Variants in KCNAB3 observed in about 807,000 individuals in gnomAD.
The protein encoded by KCNAB3 is voltage-gated potassium channel subunit beta-3.
In KCNAB3, 62 loss-of-function variants were observed where a neutral mutation model predicts 67.7. That is an observed-to-expected ratio of 0.92 (90% CI 0.75 to 1.13). The LOEUF is 1.13. Ranked by LOEUF, KCNAB3 falls within the 50% of genes most tolerant of loss-of-function variation. The pLI is 0.00. For synonymous variants in KCNAB3, 212 were observed against 205.4 expected (o/e 1.03, Z -0.27); for missense variants, 514 against 522.9 (o/e 0.98, Z 0.17).
chr17:7,924,920 A>AT (rs1234541053), intron 8 of KCNAB3, 177 bp downstream of exon 8: 4 of 606,450 alleles, frequency 6.6e-6, no homozygotes, highest in Non-Finnish European at 1.1e-5. Flanking sequence ...ATTTTAAAAC[A>AT]TTTTTTGTAG....
chr17:7,929,824 G>A lies in KCNAB3; in HGVS notation c.-389C>T, dbSNP rs1972366893. The A allele has an allele frequency of 2.2e-5, 22 of 1,015,154 alleles. No homozygotes were observed. In the Admixed American group the frequency reaches 2.4e-4, roughly 11 times the overall value. 62.9% of individuals were successfully genotyped at this position (1,015,154 alleles called of 1,614,324 possible). On this transcript the variant is annotated 5_prime_UTR_variant, in exon 1 of 14. Transcript: ENST00000303790. This position sits in a 1 kb window ranked among gnomAD's most constrained non-coding sequence, Gnocchi z 5.7. Reference sequence around the variant, plus strand: ...GCGCGAACCGCTGCGGGACCCGCTGGGCTCCCAGCCGCGTCGGCAGCGGGC... The same window carrying A: ...GCGCGAACCGCTGCGGGACCCGCTGAGCTCCCAGCCGCGTCGGCAGCGGGC...
At position 7,923,461 on chromosome 17, in the gene KCNAB3, G is replaced by T. The variant is rs1972113205; in HGVS notation, c.1132C>A (p.Leu378Ile). The change falls in exon 13 of 14, where the codon CTA becomes ATA. Residue 378 changes from leucine to isoleucine, a missense_variant. By Grantham distance (5) the Leu-to-Ile change is conservative. Coordinates refer to ENST00000303790, the MANE Select transcript of KCNAB3 (RefSeq NM_004732.4). ...AEQLIEHLGA[L>I]QVLSQLTPQT... ...CCTCTGAGTCCCCGGCTCACCTGTA[G>T]CGCGCCCAGGTGTTCTATCAACTGC... 6.2e-7 allele frequency: 1 copy of T among 1,609,422 alleles called. No individual in the cohort carries two copies. The highest frequency in any genetic ancestry group is 8.5e-7 in the Non-Finnish European group (1 of 1,177,918).
chr17:7,925,669 C>T lies in KCNAB3; in HGVS notation c.538+14G>A. The T allele has an allele frequency of 1.2e-6, 2 of 1,614,070 alleles. No individual in the cohort carries two copies. Among genetic ancestry groups the T allele is most frequent in the Non-Finnish European group, 1.7e-6 (2 of 1,179,958 alleles). On this transcript the variant is annotated intron_variant, in intron 7 of 13. Coordinates refer to ENST00000303790, the MANE Select transcript of KCNAB3 (RefSeq NM_004732.4). Reference sequence around the variant, plus strand: ...ATATCCCCTCACTTTGGGTTTCCAGCCCCTAACTCTCACCCTCAATGATGT... The same window carrying T: ...ATATCCCCTCACTTTGGGTTTCCAGTCCCTAACTCTCACCCTCAATGATGT...
chr17:7,926,099 C>T lies in KCNAB3; in HGVS notation c.409G>A (p.Glu137Lys). The change falls in exon 5 of 14, where the codon GAA becomes AAA. Residue 137 changes from glutamate to lysine, a missense_variant. Coordinates refer to ENST00000303790, the MANE Select transcript of KCNAB3 (RefSeq NM_004732.4). Reference protein sequence around the residue: ...TAEVYAAGKAERTLGNILKSK... With the variant: ...TAEVYAAGKAKRTLGNILKSK... ...TTGAGGATGTTCCCTAGGGTTCTTT[C>T]AGCCCTAAAAGAAACATAAGGCAGA... is the stretch of plus-strand genomic sequence containing the variant. 1.2e-6 allele frequency: 2 copies of T among 1,614,112 alleles called. No individual in the cohort carries two copies. The highest frequency in any genetic ancestry group is 1.7e-6 in the Non-Finnish European group (2 of 1,180,016).
At chr17:7,925,244 GC>G in intron 7 of KCNAB3, 61 bp from the exon 8 acceptor site, 2 of 1,359,868 alleles carry the variant, frequency 1.5e-6, no homozygotes, top group Non-Finnish European at 2.1e-6. Context: ...AAGAATGCAG[GC>G]CACCAGGCGT....
rs139064927 is a variant in KCNAB3 at position 7,927,083 on chromosome 17, T to C, written c.404+261A>G. ...TGATGTGTTTGAAAATTCATCTTTG[T>C]AGTTGCACATAACTAATGCCTCAGA... On this transcript the variant is annotated intron_variant, in intron 4 of 13. Transcript: ENST00000303790. 2.4e-3 allele frequency: 1,177 copies of C among 480,876 alleles called. 11 individuals carry two copies. The highest frequency in any genetic ancestry group is 0.02 in the African/African-American group (1,019 of 51,666). The allele number at this position is 480,876 out of a possible 1,614,324, so 29.8% of individuals were successfully genotyped here. A position where few individuals can be genotyped will look rare whatever the true frequency, so the allele number is the denominator to read the frequency against.
rs796261753 is a variant in KCNAB3 at position 7,926,863 on chromosome 17, G to A, written c.404+481C>T. ...TATAGCTGCATAAACCACGAATTGC[G>A]TGTCAGAAGGCAGTCCACAGTGCTT... is the stretch of plus-strand genomic sequence containing the variant. On this transcript the variant is annotated intron_variant, in intron 4 of 13. Transcript: ENST00000303790. 7.9e-5 allele frequency among the ~76,000 whole-genome samples: 12 copies of A among 152,196 alleles called. No homozygotes were observed. In the South Asian group the frequency reaches 1.0e-3, roughly 13 times the overall value.
At position 7,921,974 on chromosome 17, in the gene KCNAB3, C is replaced by T. The variant is rs1339122627; in HGVS notation, c.*1128G>A. On this transcript the variant is annotated 3_prime_UTR_variant, in exon 14 of 14. Coordinates refer to ENST00000303790, the MANE Select transcript of KCNAB3 (RefSeq NM_004732.4). ...TTCTGGGTTCTAAGGAATGTGGTAG[C>T]TGAAGGAAGAAAACTGGGGCCTGGG... is the stretch of plus-strand genomic sequence containing the variant. 6.6e-6 allele frequency: 1 copy of T among 152,212 alleles called. No individual in the cohort carries two copies. Among genetic ancestry groups the T allele is most frequent in the Non-Finnish European group, 1.5e-5 (1 of 68,044 alleles). The allele number at this position is 152,212 out of a possible 1,614,324, so 9.4% of individuals were successfully genotyped here. A position where few individuals can be genotyped will look rare whatever the true frequency, so the allele number is the denominator to read the frequency against.
At chr17:7,924,310 C>T (rs372067112) in intron 9 of KCNAB3, 45 bp from the exon 10 acceptor site, 15 of 1,612,066 alleles carry the variant, frequency 9.3e-6, no homozygotes, top group Non-Finnish European at 1.1e-5. Flanking sequence ...GCACTACTTC[C>T]GTTTTCTTCT....
In KCNAB3 at chr17:7,929,438, T is replaced by C; in HGVS notation, c.-3A>G. ...GTACACGCGATAGACACCTGCATGCTGGCTGGCCGAGGCGGGGGAGGGGGC... is the reference window on the plus strand; with the variant it reads ...GTACACGCGATAGACACCTGCATGCCGGCTGGCCGAGGCGGGGGAGGGGGC... On this transcript the variant is annotated 5_prime_UTR_variant, in exon 1 of 14. Coordinates refer to ENST00000303790, the MANE Select transcript of KCNAB3 (RefSeq NM_004732.4). The surrounding 1 kb of genome is among the most constrained non-coding windows in gnomAD (Gnocchi z 5.7). 2.7e-6 allele frequency: 4 copies of C among 1,459,494 alleles called. No homozygotes were observed. The highest frequency in any genetic ancestry group is 3.7e-6 in the Non-Finnish European group (4 of 1,084,754). 90.4% of individuals were successfully genotyped at this position (1,459,494 alleles called of 1,614,324 possible).
intron 4 of KCNAB3, among the ~76,000 whole-genome samples, chr17:7,926,545 CCAGCCTTCTGGT>C (rs1972238843): frequency 1.3e-5 from 2 of 152,156 alleles, no homozygotes. Flanking sequence ...AATCTATGGT[CCAGCCTTCTGGT>C]CAGCTTCCAC....
intron 7 of KCNAB3, 70 bp from the exon 8 acceptor site, chr17:7,925,253 C>A (rs1271776670): frequency 3.2e-6 from 4 of 1,256,912 alleles, no homozygotes; most frequent in Non-Finnish European, 4.6e-6. Flanking sequence ...GGCCACCAGG[C>A]GTGGTGGCTC....
Position 7,927,392 on chromosome 17 carries a change from T to A in KCNAB3, c.356A>T (p.Glu119Val). The A allele has an allele frequency of 2.5e-6, 4 of 1,613,984 alleles. No individual in the cohort carries two copies. The highest frequency in any genetic ancestry group is 3.4e-6 in the Non-Finnish European group (4 of 1,180,008). The part of the protein sequence containing the change: ...TAEDVLTVAY[E>V]HGVNLFDTAE... ...GGTGTCAAACAGGTTTACACCATGC[T>A]CATAGGCTACAGTCAGCACATCCTC... Residue 119 changes from glutamate (E) to valine (V), a missense_variant, in exon 4 of 14, where the codon GAG becomes GTG. Coordinates refer to ENST00000303790, the MANE Select transcript of KCNAB3 (RefSeq NM_004732.4).
intron 1 of KCNAB3, among the ~76,000 whole-genome samples, chr17:7,928,868 C>T (rs1972327370): frequency 6.6e-6 from 1 of 152,136 alleles, no homozygotes; most frequent in South Asian, 2.1e-4. Flanking sequence ...AAGGACACTC[C>T]ACTGGAGGAG....
chr17:7,929,831 AGC>A lies in KCNAB3; in HGVS notation c.-398_-397del. The A allele has an allele frequency of 4.2e-5, 43 of 1,029,178 alleles. No individual in the cohort carries two copies. In the Admixed American group the frequency reaches 5.5e-4, roughly 13 times the overall value. 63.8% of individuals were successfully genotyped at this position (1,029,178 alleles called of 1,614,324 possible). ...CCGCTGCGGGACCCGCTGGGCTCCC[AGC>A]CGCGTCGGCAGCGGGCCCAGCTCAT... On this transcript the variant is annotated 5_prime_UTR_variant, in exon 1 of 14. Coordinates refer to ENST00000303790, the MANE Select transcript of KCNAB3 (RefSeq NM_004732.4). This position sits in a 1 kb window ranked among gnomAD's most constrained non-coding sequence, Gnocchi z 5.7.
rs760379968 is a variant in KCNAB3 at position 7,924,229 on chromosome 17, G to T, written c.748C>A (p.Pro250Thr). ...TGCTCCGCTTGTTCACACACTGGAG[G>T]AATCAGATTGAACTGTCTGGCCATG... ...YSMARQFNLIPPVCEQAEHHL... is the reference protein window; with the variant it reads ...YSMARQFNLITPVCEQAEHHL... The change falls in exon 10 of 14, where the codon CCT becomes ACT. Residue 250 changes from proline (P) to threonine (T), a missense_variant. Coordinates refer to ENST00000303790, the MANE Select transcript of KCNAB3 (RefSeq NM_004732.4). 6.2e-7 allele frequency: 1 copy of T among 1,614,186 alleles called. No individual in the cohort carries two copies. The highest frequency in any genetic ancestry group is 2.2e-5 in the East Asian group (1 of 44,886).
rs1322147623 is a variant in KCNAB3 at position 7,923,357 on chromosome 17, G to C, written c.1137+99C>G. On this transcript the variant is annotated intron_variant, in intron 13 of 13. Transcript: ENST00000303790. ...CTCTCACCTGCAAAGTGAGGACTTT[G>C]TAGTGGGTGACCTGATAGAGCCATC... 2.3e-6 allele frequency: 3 copies of C among 1,324,768 alleles called. No individual in the cohort carries two copies. The East Asian group carries it at 7.4e-5, about 33-fold the overall frequency. 82.1% of individuals were successfully genotyped at this position (1,324,768 alleles called of 1,614,324 possible).
At chr17:7,928,991 G>T in intron 1 of KCNAB3, 1 of 814,698 alleles carries the variant, frequency 1.2e-6, no homozygotes, top group Non-Finnish European at 1.9e-6. Flanking sequence ...AGTCAACCTT[G>T]GTAAACTTGA....
At position 7,929,449 on chromosome 17, in the gene KCNAB3, G is replaced by C; in HGVS notation, c.-14C>G. On this transcript the variant is annotated 5_prime_UTR_variant, in exon 1 of 14. Coordinates refer to ENST00000303790, the MANE Select transcript of KCNAB3 (RefSeq NM_004732.4). The surrounding 1 kb of genome is among the most constrained non-coding windows in gnomAD (Gnocchi z 5.7). ...AGACACCTGCATGCTGGCTGGCCGA[G>C]GCGGGGGAGGGGGCTCCGAGGGGAC... The C allele has an allele frequency of 6.5e-7, 1 of 1,545,572 alleles. No individual in the cohort carries two copies.
Sources: allele counts gnomAD v4.1 joint callset (sites outside exome capture counted in the v4.1 genomes callset), GRCh38; gene constraint gnomAD v4.1.1; non-coding constraint Gnocchi (gnomAD v3.1); transcripts MANE v1.5; gene names NCBI Gene and HGNC (gene_info 2026-07-23, HGNC 2026-07-21).